Variants in TMEM109 observed in about 807,000 individuals in gnomAD.
The protein encoded by TMEM109 is transmembrane protein 109, also known as voltage-gated monoatomic cation channel TMEM109.
In TMEM109, 19 loss-of-function variants were observed where a neutral mutation model predicts 26.4. The ratio of observed to expected loss-of-function variants is 0.72; its 90% confidence interval spans 0.50 to 1.06. The LOEUF is 1.06. Among genes scored for constraint, TMEM109 ranks in the 50% least tolerant of loss-of-function variants. TMEM109 has a pLI of 0.00. For missense variants in TMEM109, 262 were observed against 303.4 expected (o/e 0.86, Z 1.01); for synonymous variants, 129 against 142.0 (o/e 0.91, Z 0.65).
chr11:60,916,894 T>C (rs1273679348), intron 1 of TMEM109, among the ~76,000 whole-genome samples: 1 of 152,132 alleles, frequency 6.6e-6, no homozygotes, highest in Non-Finnish European at 1.5e-5. Context: ...GGTCCTTGGA[T>C]AAAGGATCCA....
rs1856250818 is a variant in TMEM109 at position 60,922,148 on chromosome 11, A to G, written c.715A>G (p.Ser239Gly). Residue 239 changes from serine to glycine, a missense_variant, in exon 4 of 4, where the codon AGT becomes GGT. Ser to Gly is a moderately conservative substitution (Grantham distance 56). Coordinates refer to ENST00000227525, the MANE Select transcript of TMEM109 (RefSeq NM_024092.3). Reference protein sequence around the residue: ...RQRRAAKGARSVEEE With the variant: ...RQRRAAKGARGVEEE ...GAGGCGAGCGGCCAAGGGGGCCCGC[A>G]GTGTGGAGGAGGAGTGAGCCGGATG... 6.3e-7 allele frequency: 1 copy of G among 1,594,908 alleles called. No homozygotes were observed. Among genetic ancestry groups the G allele is most frequent in the Admixed American group, 1.7e-5 (1 of 57,428 alleles).
Position 60,923,031 on chromosome 11 carries a change from C to T in TMEM109, c.*866C>T, listed in dbSNP as rs2134884640. ...ACCCTGAAAGAGGAGGGAGGACCCGCCTCCTTGTCTGCACAACTGCATGCA... is the reference window on the plus strand; with the variant it reads ...ACCCTGAAAGAGGAGGGAGGACCCGTCTCCTTGTCTGCACAACTGCATGCA... On this transcript the variant is annotated 3_prime_UTR_variant, in exon 4 of 4. Coordinates refer to ENST00000227525, the MANE Select transcript of TMEM109 (RefSeq NM_024092.3). 6.5e-6 allele frequency: 1 copy of T among 152,678 alleles called. No homozygotes were observed. Among genetic ancestry groups the T allele is most frequent in the Non-Finnish European group, 1.5e-5 (1 of 68,194 alleles). 9.5% of individuals were successfully genotyped at this position (152,678 alleles called of 1,614,324 possible).
chr11:60,915,531 G>A (rs1157328648), intron 1 of TMEM109, among the ~76,000 whole-genome samples: 1 of 152,212 alleles, frequency 6.6e-6, no homozygotes, highest in Non-Finnish European at 1.5e-5. Flanking sequence ...AGTAGCCCTG[G>A]GTGGGGCAGA....
Position 60,919,724 on chromosome 11 carries a change from G to A in TMEM109, c.31G>A (p.Gly11Arg). The A allele has an allele frequency of 6.2e-7, 1 of 1,614,162 alleles. No individual in the cohort carries two copies. Among genetic ancestry groups the A allele is most frequent in the Non-Finnish European group, 8.5e-7 (1 of 1,180,034 alleles). The change falls in exon 2 of 4, where the codon GGA becomes AGA. Residue 11 changes from glycine (G) to arginine (R), a missense_variant. Physicochemically the swap from Gly to Arg is moderately radical, Grantham distance 125. Transcript: ENST00000227525. ...AGCCTCCAGCATCAGTTCACCATGGGGAAAGCATGTGTTCAAAGCCATTCT... is the reference window on the plus strand; with the variant it reads ...AGCCTCCAGCATCAGTTCACCATGGAGAAAGCATGTGTTCAAAGCCATTCT... MAASSISSPW[G>R]KHVFKAILMV...
rs780542797 is a variant in TMEM109, at chr11:60,922,039, C to G, written c.606C>G (p.Leu202=). 6.2e-7 allele frequency: 1 copy of G among 1,612,402 alleles called. No homozygotes were observed. The highest frequency in any genetic ancestry group is 2.2e-5 in the East Asian group (1 of 44,876). ...LLILYALLSR[L]TGSRASGAQL... The stretch of plus-strand genomic sequence containing the variant: ...TCCTCTACGCCCTGCTGAGCCGGCT[C>G]ACTGGCTCCCGAGCCTCTGGGGCCC... The change falls in exon 4 of 4, where the codon CTC becomes CTG. Residue 202 remains leucine (L), a synonymous_variant. Coordinates refer to ENST00000227525, the MANE Select transcript of TMEM109 (RefSeq NM_024092.3).
intron 3 of TMEM109, among the ~76,000 whole-genome samples, 157 bp downstream of exon 3, chr11:60,921,145 A>G (rs1414426265): frequency 6.6e-6 from 1 of 152,204 alleles, no homozygotes; most frequent in Non-Finnish European, 1.5e-5. Context: ...AAGAACTACC[A>G]TGGCCAGGTG....
chr11:60,921,039 T>C, intron 3 of TMEM109, 51 bp downstream of exon 3: 7 of 1,481,506 alleles, frequency 4.7e-6, no homozygotes, highest in Non-Finnish European at 5.7e-6. Context: ...TGTACTTTCC[T>C]ACTTGTGGGA....
At position 60,919,873 on chromosome 11, in the gene TMEM109, T is replaced by G; in HGVS notation, c.180T>G (p.Ser60=). The G allele has an allele frequency of 6.2e-7, 1 of 1,614,206 alleles. No homozygotes were observed. The highest frequency in any genetic ancestry group is 1.1e-5 in the South Asian group (1 of 91,088). The change falls in exon 2 of 4, where the codon TCT becomes TCG. Residue 60 remains serine (S), a synonymous_variant. Transcript: ENST00000227525. ...ATGTCTTGACCCAGATAGGTCGATC[T>G]GTGCGAGGGACACTGGATGCCTGGA... ...PVDVLTQIGR[S]VRGTLDAWIG...
intron 1 of TMEM109, among the ~76,000 whole-genome samples, chr11:60,914,471 C>T (rs1175874357): frequency 6.6e-6 from 1 of 151,866 alleles, no homozygotes; most frequent in Non-Finnish European, 1.5e-5. Flanking sequence ...ACCCGGGAGG[C>T]GCACGTTTCC....
Position 60,922,068 on chromosome 11 carries a change from T to C in TMEM109, c.635T>C (p.Leu212Pro). 1 of 1,613,334 alleles carries C rather than the reference T, an allele frequency of 6.2e-7. No homozygotes were observed. Among genetic ancestry groups the C allele is most frequent in the Non-Finnish European group, 8.5e-7 (1 of 1,179,940 alleles). Residue 212 changes from leucine (L) to proline (P), a missense_variant, in exon 4 of 4, where the codon CTC becomes CCC. Leu to Pro is a moderately conservative substitution (Grantham distance 98). Coordinates refer to ENST00000227525, the MANE Select transcript of TMEM109 (RefSeq NM_024092.3). ...GGCTCCCGAGCCTCTGGGGCCCAAC[T>C]CGAGGCCAAGGTGCGAGGGCTGGAA... ...LTGSRASGAQ[L>P]EAKVRGLERQ...
chr11:60,914,968 A>G (rs1291096843), intron 1 of TMEM109, among the ~76,000 whole-genome samples: 1 of 152,194 alleles, frequency 6.6e-6, no homozygotes, highest in East Asian at 1.9e-4. Context: ...TGGATCTACT[A>G]TTAAAATAAC....
At position 60,921,826 on chromosome 11, in the gene TMEM109, C is replaced by G. The variant is rs778279542; in HGVS notation, c.393C>G (p.Phe131Leu). 1.2e-6 allele frequency: 2 copies of G among 1,614,126 alleles called. No individual in the cohort carries two copies. Among genetic ancestry groups the G allele is most frequent in the Non-Finnish European group, 1.7e-6 (2 of 1,180,056 alleles). Reference sequence around the variant, plus strand: ...TCAGCCCTGGCCAGGTCCAGACCTTCCTGCTGTGGGGAGCAGGGGCCCTGG... The same window carrying G: ...TCAGCCCTGGCCAGGTCCAGACCTTGCTGCTGTGGGGAGCAGGGGCCCTGG... ...LKLSPGQVQT[F>L]LLWGAGALVV... The change falls in exon 4 of 4, where the codon TTC (phenylalanine) becomes TTG (leucine). Residue 131 changes from phenylalanine to leucine, a missense_variant. Coordinates refer to ENST00000227525, the MANE Select transcript of TMEM109 (RefSeq NM_024092.3).
chr11:60,922,458 C>A lies in TMEM109; in HGVS notation c.*293C>A. On this transcript the variant is annotated 3_prime_UTR_variant, in exon 4 of 4. Transcript: ENST00000227525. ...TGGAGGGGCCTCCCTCTGGCTTCTG[C>A]ATCTGCGCCAGCAAACATCACTGCC... The A allele has an allele frequency of 8.4e-7, 1 of 1,195,614 alleles. No homozygotes were observed. Among genetic ancestry groups the A allele is most frequent in the Non-Finnish European group, 1.2e-6 (1 of 864,458 alleles). The allele number at this position is 1,195,614 out of a possible 1,614,324, so 74.1% of individuals were successfully genotyped here.
chr11:60,920,794 C>T, intron 2 of TMEM109, 92 bp from the exon 3 acceptor site: 1 of 1,131,810 alleles, frequency 8.8e-7, no homozygotes, highest in Non-Finnish European at 1.3e-6. Flanking sequence ...CTGAGACATT[C>T]CTGCAGTTCT....
In TMEM109 at chr11:60,919,949, G is replaced by A. The variant is rs1029046726; in HGVS notation, c.237+19G>A. ...GTCAGAGGTAAGGAAGGTAGTCCCT[G>A]TGTGACTACACACATTAAGGAAAAA... On this transcript the variant is annotated intron_variant, in intron 2 of 3. Transcript: ENST00000227525. 5.7e-6 allele frequency: 9 copies of A among 1,586,206 alleles called. No homozygotes were observed. Among genetic ancestry groups the A allele is most frequent in the Non-Finnish European group, 7.8e-6 (9 of 1,154,740 alleles).
rs752252867 is a variant in TMEM109, at chr11:60,922,073, G to T, written c.640G>T (p.Ala214Ser). The T allele has an allele frequency of 6.2e-7, 1 of 1,613,344 alleles. No individual in the cohort carries two copies. The highest frequency in any genetic ancestry group is 1.1e-5 in the South Asian group (1 of 91,078). ...CCGAGCCTCTGGGGCCCAACTCGAG[G>T]CCAAGGTGCGAGGGCTGGAACGCCA... Reference protein sequence around the residue: ...GSRASGAQLEAKVRGLERQVE... With the variant: ...GSRASGAQLESKVRGLERQVE... The change falls in exon 4 of 4, where the codon GCC (alanine) becomes TCC (serine). Residue 214 changes from alanine to serine, a missense_variant. Physicochemically the swap from Ala to Ser is moderately conservative, Grantham distance 99. Coordinates refer to ENST00000227525, the MANE Select transcript of TMEM109 (RefSeq NM_024092.3).
chr11:60,922,570 G>A lies in TMEM109; in HGVS notation c.*405G>A, dbSNP rs1025199138. On this transcript the variant is annotated 3_prime_UTR_variant, in exon 4 of 4. Transcript: ENST00000227525. Reference sequence around the variant, plus strand: ...CGTGCTCTCCTGTCCTTCTGAAGTTGCTCCTTGGCCAAATCTCCAGCTCCC... The same window carrying A: ...CGTGCTCTCCTGTCCTTCTGAAGTTACTCCTTGGCCAAATCTCCAGCTCCC... The A allele has an allele frequency of 5.2e-6, 2 of 386,368 alleles. No homozygotes were observed. Among genetic ancestry groups the A allele is most frequent in the African/African-American group, 2.1e-5 (1 of 47,634 alleles). 23.9% of individuals were successfully genotyped at this position (386,368 alleles called of 1,614,324 possible). A position where few individuals can be genotyped will look rare whatever the true frequency, so the allele number is the denominator to read the frequency against.
chr11:60,914,559 G>C (rs1435772753), intron 1 of TMEM109, among the ~76,000 whole-genome samples: 1 of 152,200 alleles, frequency 6.6e-6, no homozygotes, highest in African/African-American at 2.4e-5. Context: ...CCAGGCCAGC[G>C]CCAAGCCCGA....
intron 1 of TMEM109, among the ~76,000 whole-genome samples, chr11:60,915,752 G>C (rs138199205): frequency 2.0e-5 from 3 of 152,168 alleles, no homozygotes; most frequent in Non-Finnish European, 4.4e-5. Flanking sequence ...GATTGGGAGG[G>C]GGGGGCGCGA....
Sources: allele counts gnomAD v4.1 joint callset (sites outside exome capture counted in the v4.1 genomes callset), GRCh38; gene constraint gnomAD v4.1.1; transcripts MANE v1.5; gene names NCBI Gene and HGNC (gene_info 2026-07-23, HGNC 2026-07-21).